KDM5B: variants seen among roughly 807,000 people sequenced by gnomAD.
The protein encoded by KDM5B is lysine demethylase 5B.
In KDM5B, 144 loss-of-function variants were observed where a neutral mutation model predicts 193.4. That is an observed-to-expected ratio of 0.74 (90% confidence interval 0.65 to 0.86). The LOEUF (loss-of-function observed/expected upper bound fraction) is 0.86. KDM5B is among the 40% of genes least tolerant of loss of function. KDM5B has a pLI of 0.00. For missense variants in KDM5B, 1,833 were observed against 1,886.9 expected (o/e 0.97, Z 0.53); for synonymous variants, 668 against 682.6 (o/e 0.98, Z 0.33).
intron 15 of KDM5B, 57 bp downstream of exon 15, chr1:202,746,085 G>C (rs1047156198): frequency 6.4e-7 from 1 of 1,573,470 alleles, no homozygotes; most frequent in African/African-American, 1.4e-5. Flanking sequence ...GTATCATTGA[G>C]CTTTTAGTAA....
intron 9 of KDM5B, among the ~76,000 whole-genome samples, chr1:202,758,052 A>G (rs1656090380): frequency 6.6e-6 from 1 of 152,188 alleles, no homozygotes; most frequent in South Asian, 2.1e-4. Context: ...TGCATAGTAC[A>G]CCTTGGCACA....
chr1:202,747,787 T>C (rs1027967897), intron 14 of KDM5B, among the ~76,000 whole-genome samples: 1 of 151,992 alleles, frequency 6.6e-6, no homozygotes, highest in African/African-American at 2.4e-5. Context: ...CAATATAAAA[T>C]TATACTATGT....
intron 5 of KDM5B, among the ~76,000 whole-genome samples, chr1:202,766,057 T>C (rs1275599142): frequency 1.3e-5 from 2 of 152,226 alleles, no homozygotes; most frequent in African/African-American, 2.4e-5. Context: ...TAAAAATTTT[T>C]TTTTAATTAG....
chr1:202,767,056 A>G lies in KDM5B; in HGVS notation c.581T>C (p.Leu194Ser), dbSNP rs1656493729. Reference protein sequence around the residue: ...LFLSGDSLRCLQKPNLTTDTK... With the variant: ...LFLSGDSLRCSQKPNLTTDTK... The stretch of plus-strand genomic sequence containing the variant: ...GTCTGTGGTCAGGTTTGGCTTCTGC[A>G]AACACTAGAAATAACAACTGTACTG... The change falls in exon 5 of 27, where the codon TTG becomes TCG. Residue 194 changes from leucine to serine, a missense_variant. Coordinates refer to ENST00000367265, the MANE Select transcript of KDM5B (RefSeq NM_006618.5). 1 of 1,609,058 alleles carries G rather than the reference A, an allele frequency of 6.2e-7. No individual in the cohort carries two copies. Among genetic ancestry groups the G allele is most frequent in the African/African-American group, 1.3e-5 (1 of 74,396 alleles).
rs763309499 is a variant in KDM5B, at chr1:202,752,874, T to C, written c.1701+31A>G. The stretch of plus-strand genomic sequence containing the variant: ...AAAAAGAGAAGTGGTGAATTAAGCT[T>C]GAGTGGCAGGAGGATTAACCCAGAA... On this transcript the variant is annotated intron_variant, in intron 12 of 26. Coordinates refer to ENST00000367265, the MANE Select transcript of KDM5B (RefSeq NM_006618.5). The C allele has an allele frequency of 6.9e-6, 11 of 1,583,384 alleles. No homozygotes were observed. In the African/African-American group the frequency reaches 1.2e-4, roughly 18 times the overall value.
chr1:202,791,900 G>A (rs1657656481), intron 1 of KDM5B, among the ~76,000 whole-genome samples: 1 of 152,070 alleles, frequency 6.6e-6, no homozygotes, highest in South Asian at 2.1e-4. Context: ...TATATTTTTA[G>A]TAGAGACAGA....
intron 1 of KDM5B, among the ~76,000 whole-genome samples, chr1:202,799,020 C>G (rs529381682): frequency 7.7e-4 from 117 of 152,030 alleles, no homozygotes; most frequent in African/African-American, 2.8e-3. Flanking sequence ...ACTCTGTCCC[C>G]GGGGGACAAG....
chr1:202,805,383 T>C (rs2102355324), intron 1 of KDM5B, among the ~76,000 whole-genome samples: 1 of 152,348 alleles, frequency 6.6e-6, no homozygotes, highest in Admixed American at 6.5e-5. Flanking sequence ...GTAAGTACTC[T>C]AAGTTTTCAG....
intron 1 of KDM5B, among the ~76,000 whole-genome samples, chr1:202,790,327 C>T (rs1172686830): frequency 6.6e-6 from 1 of 152,150 alleles, no homozygotes; most frequent in African/African-American, 2.4e-5. Context: ...CTTGTAACCT[C>T]AGCACTTTTG....
chr1:202,764,136 T>C lies in KDM5B; in HGVS notation c.721A>G (p.Ile241Val). 2 of 1,528,096 alleles carry C rather than the reference T, an allele frequency of 1.3e-6. No individual in the cohort carries two copies. The highest frequency in any genetic ancestry group is 1.8e-6 in the Non-Finnish European group (2 of 1,130,056). 94.7% of individuals were successfully genotyped at this position (1,528,096 alleles called of 1,614,324 possible). A position where few individuals can be genotyped will look rare whatever the true frequency, so the allele number is the denominator to read the frequency against. Residue 241 changes from isoleucine (I) to valine (V), a missense_variant, in exon 6 of 27, where the codon ATT becomes GTT. Coordinates refer to ENST00000367265, the MANE Select transcript of KDM5B (RefSeq NM_006618.5). ...GTTGTCTCCTCGGGTTCTATTTTAA[T>C]ATTCATGGCCTTAAAAAAATTGTCA... ...AKRMRAEAMN[I>V]KIEPEETTEA...
At chr1:202,800,650 T>C (rs1431271817) in intron 1 of KDM5B, among the ~76,000 whole-genome samples, 1 of 152,210 alleles carries the variant, frequency 6.6e-6, no homozygotes, top group Non-Finnish European at 1.5e-5. Flanking sequence ...TAGAACATCA[T>C]TCTGTTTCTT....
chr1:202,775,352 A>G (rs988936296), intron 2 of KDM5B, among the ~76,000 whole-genome samples: 2 of 151,410 alleles, frequency 1.3e-5, no homozygotes. Flanking sequence ...CCTGGGCAAC[A>G]TGGTGAAACT....
At chr1:202,753,859 G>A (rs890473739) in intron 11 of KDM5B, among the ~76,000 whole-genome samples, 8 of 151,450 alleles carry the variant, frequency 5.3e-5, no homozygotes, top group South Asian at 4.2e-4. Context: ...TAGTGGACAC[G>A]GGGTTTCACC....
intron 1 of KDM5B, among the ~76,000 whole-genome samples, chr1:202,782,410 G>A (rs1657236235): frequency 6.6e-6 from 1 of 152,022 alleles, no homozygotes; most frequent in African/African-American, 2.4e-5. Flanking sequence ...ATGTTGCCCA[G>A]GCTGGTCTGG....
At chr1:202,766,073 C>T (rs933461399) in intron 5 of KDM5B, among the ~76,000 whole-genome samples, 6 of 152,266 alleles carry the variant, frequency 3.9e-5, no homozygotes, top group South Asian at 2.1e-4. Context: ...ATTAGCTAGG[C>T]ATGCATGGCA....
intron 4 of KDM5B, chr1:202,767,302 TTAGC>T: frequency 6.2e-7 from 1 of 1,609,292 alleles, no homozygotes; most frequent in Non-Finnish European, 8.5e-7. Context: ...CAAACACATC[TTAGC>T]TAGTAACGAC....
Position 202,784,427 on chromosome 1 carries a change from T to C in KDM5B, c.205-7333A>G, listed in dbSNP as rs370446175. On this transcript the variant is annotated intron_variant, in intron 1 of 26. Transcript: ENST00000367265. Reference sequence around the variant, plus strand: ...TATGTTCTATGAAACCCAGTCATCATAGAATAAATGCACTTGCAAGTTAGC... The same window carrying C: ...TATGTTCTATGAAACCCAGTCATCACAGAATAAATGCACTTGCAAGTTAGC... Among the ~76,000 whole-genome samples, 18 of 152,328 alleles carry C rather than the reference T, an allele frequency of 1.2e-4. 1 individual carries two copies. Among genetic ancestry groups the C allele is most frequent in the Admixed American group, 6.5e-4 (10 of 15,294 alleles).
chr1:202,789,292 G>A lies in KDM5B; in HGVS notation c.205-12198C>T, dbSNP rs576182057. ...GCCCAGCACTTTGGGAGGCCAAGGC[G>A]GGTGGATCACTTGAGGTCAGGAGTT... is the stretch of plus-strand genomic sequence containing the variant. On this transcript the variant is annotated intron_variant, in intron 1 of 26. Transcript: ENST00000367265. Among the ~76,000 whole-genome samples, 45 of 152,174 alleles carry A rather than the reference G, an allele frequency of 3.0e-4. No homozygotes were observed. In the South Asian group the frequency reaches 8.1e-3, roughly 27 times the overall value.
intron 1 of KDM5B, among the ~76,000 whole-genome samples, chr1:202,791,562 T>G (rs1481500815): frequency 6.6e-6 from 1 of 152,102 alleles, no homozygotes; most frequent in Non-Finnish European, 1.5e-5. Context: ...GCAACCCTAC[T>G]CTAATCCAAG....
Sources: gnomAD v4.1 joint callset for allele counts (sites outside exome capture counted in the v4.1 genomes callset) on GRCh38, gnomAD v4.1.1 for gene constraint, MANE v1.5 for transcripts, NCBI Gene and HGNC (gene_info 2026-07-23, HGNC 2026-07-21) for gene names.